GRIK4: variants seen among roughly 807,000 people sequenced by gnomAD.
GRIK4 encodes glutamate ionotropic receptor kainate type subunit 4.
A neutral mutation model predicts 104.9 loss-of-function variants in GRIK4; 40 were observed. The observed-to-expected ratio is 0.38, with a 90% CI of 0.30 to 0.50. GRIK4 has a LOEUF of 0.50. Ranked by LOEUF, GRIK4 falls within the 20% of genes least tolerant of loss-of-function variation. GRIK4 has a pLI of 0.93. For missense variants in GRIK4, 1,047 were observed against 1,308.1 expected, an observed-to-expected ratio of 0.80 and a Z score of 3.08; for synonymous variants, 485 against 524.9, an observed-to-expected ratio of 0.92 and a Z score of 1.04.
intron 14 of GRIK4, among the ~76,000 whole-genome samples, chr11:120,944,118 C>G (rs1427023503): frequency 6.6e-6 from 1 of 152,066 alleles, no homozygotes; most frequent in Non-Finnish European, 1.5e-5. Flanking sequence ...TACTGTTTTT[C>G]CATCCTGCTT....
At chr11:120,890,044 T>C (rs1815358706) in intron 11 of GRIK4, among the ~76,000 whole-genome samples, 1 of 152,156 alleles carries the variant, frequency 6.6e-6, no homozygotes, top group South Asian at 2.1e-4. Context: ...TGTAGTAAGT[T>C]GGAGGGTGGA....
chr11:120,858,759 G>T (rs1305545594), intron 8 of GRIK4, among the ~76,000 whole-genome samples: 1 of 152,184 alleles, frequency 6.6e-6, no homozygotes, highest in African/African-American at 2.4e-5. Flanking sequence ...ACTAACGGTG[G>T]TCAGTTATTT....
chr11:120,700,179 C>T (rs1358373330), intron 3 of GRIK4, among the ~76,000 whole-genome samples: 1 of 151,970 alleles, frequency 6.6e-6, no homozygotes, highest in Non-Finnish European at 1.5e-5. Flanking sequence ...ACAAAAACTC[C>T]TACTATAGTT....
intron 1 of GRIK4, among the ~76,000 whole-genome samples, chr11:120,590,758 T>C (rs948927658): frequency 8.5e-5 from 13 of 152,204 alleles, no homozygotes; most frequent in African/African-American, 2.7e-4. Context: ...AGGCCTTGGC[T>C]AGCCTTTCAT....
intron 1 of GRIK4, chr11:120,620,051 C>A: frequency 1.6e-6 from 1 of 636,440 alleles, no homozygotes; most frequent in East Asian, 2.6e-5. Flanking sequence ...TACGTGCATA[C>A]TTTTGATAGC....
At chr11:120,590,267 A>T (rs1438606590) in intron 1 of GRIK4, among the ~76,000 whole-genome samples, 1 of 152,040 alleles carries the variant, frequency 6.6e-6, no homozygotes, top group African/African-American at 2.4e-5. Context: ...GCTTCCTCTC[A>T]TCTGGCCCCA....
At chr11:120,608,858 G>T (rs1948995837) in intron 1 of GRIK4, among the ~76,000 whole-genome samples, 1 of 152,146 alleles carries the variant, frequency 6.6e-6, no homozygotes, top group Non-Finnish European at 1.5e-5. Flanking sequence ...TGGCTGGCTG[G>T]CGGCCTGTGG....
chr11:120,801,110 AG>A (rs1952613008), intron 3 of GRIK4, among the ~76,000 whole-genome samples: 1 of 152,210 alleles, frequency 6.6e-6, no homozygotes, highest in Admixed American at 6.5e-5. Flanking sequence ...TCCCAACCCT[AG>A]GCAACCACAA....
At chr11:120,864,153 G>C (rs986884174) in intron 9 of GRIK4, among the ~76,000 whole-genome samples, 1 of 152,126 alleles carries the variant, frequency 6.6e-6, no homozygotes, top group Non-Finnish European at 1.5e-5. Context: ...TGCAAGCCCT[G>C]TTCTCCCAGC....
chr11:120,864,482 C>T (rs540244356), intron 9 of GRIK4, among the ~76,000 whole-genome samples: 19 of 152,156 alleles, frequency 1.2e-4, no homozygotes, highest in Admixed American at 7.2e-4. Flanking sequence ...CTTCGTGATC[C>T]GCCCGCCTCG....
At chr11:120,631,431 A>G (rs1405252266) in intron 1 of GRIK4, among the ~76,000 whole-genome samples, 1 of 152,136 alleles carries the variant, frequency 6.6e-6, no homozygotes, top group Non-Finnish European at 1.5e-5. Flanking sequence ...GACGCTACTA[A>G]AGCATCGATG....
intron 6 of GRIK4, among the ~76,000 whole-genome samples, 167 bp from the exon 7 acceptor site, chr11:120,831,685 G>T (rs1026636114): frequency 6.6e-6 from 1 of 152,146 alleles, no homozygotes; most frequent in African/African-American, 2.4e-5. Context: ...GCCCAAAGAG[G>T]CTGAGAAACC....
At chr11:120,791,741 A>AT (rs571566611) in intron 3 of GRIK4, among the ~76,000 whole-genome samples, 129 of 152,028 alleles carry the variant, frequency 8.5e-4, no homozygotes, top group Non-Finnish European at 5.4e-4. Flanking sequence ...TCTATGGTCC[A>AT]TTTTTTTTGT....
intron 3 of GRIK4, among the ~76,000 whole-genome samples, chr11:120,721,139 C>G (rs1280594419): frequency 1.3e-5 from 2 of 152,168 alleles, no homozygotes; most frequent in Non-Finnish European, 2.9e-5. Flanking sequence ...GCAATTACAA[C>G]ATCTGTGGGA....
At chr11:120,558,624 C>T (rs1299152904) in intron 1 of GRIK4, among the ~76,000 whole-genome samples, 1 of 152,174 alleles carries the variant, frequency 6.6e-6, no homozygotes, top group Non-Finnish European at 1.5e-5. Context: ...CAAAAAAAAC[C>T]CTCACAGATG....
intron 13 of GRIK4, among the ~76,000 whole-genome samples, chr11:120,938,564 C>A (rs1466486708): frequency 1.3e-5 from 2 of 152,160 alleles, no homozygotes; most frequent in Admixed American, 1.3e-4. Flanking sequence ...CCTTCCTGTA[C>A]ACAAATCATA....
chr11:120,558,574 C>T (rs972346007), intron 1 of GRIK4, among the ~76,000 whole-genome samples: 5 of 152,252 alleles, frequency 3.3e-5, no homozygotes, highest in African/African-American at 7.2e-5. Context: ...GGCGACAGAG[C>T]GAGACTCCGT....
In GRIK4 at chr11:120,932,157, ATTT is replaced by A. The variant is rs56886847; in HGVS notation, c.1477-8174_1477-8172del. On this transcript the variant is annotated intron_variant, in intron 13 of 20. Coordinates refer to ENST00000527524, the MANE Select transcript of GRIK4 (RefSeq NM_014619.5). ...AACACAGCACACGTGCAATTTTACA[ATTT>A]TTTTTTTTTTTTTTTGGCAATCTGA... Among the ~76,000 whole-genome samples the A allele has an allele frequency of 3.7e-3, 511 of 137,998 alleles. 2 individuals carry two copies. Among genetic ancestry groups the A allele is most frequent in the African/African-American group, 8.9e-3 (330 of 36,974 alleles). 90.5% of individuals were successfully genotyped at this position (137,998 alleles called of 152,430 possible).
intron 14 of GRIK4, among the ~76,000 whole-genome samples, chr11:120,951,707 G>T (rs1944005213): frequency 1.3e-5 from 2 of 152,186 alleles, no homozygotes; most frequent in South Asian, 4.1e-4. Context: ...ACAAGACAGG[G>T]TAGCAGCATG....
Sources: allele counts gnomAD v4.1 joint callset (sites outside exome capture counted in the v4.1 genomes callset), GRCh38; gene constraint gnomAD v4.1.1; transcripts MANE v1.5; gene names NCBI Gene and HGNC (gene_info 2026-07-23, HGNC 2026-07-21).